The following UTRN variants were observed in gnomAD, a reference collection of about 807,000 sequenced individuals.
UTRN encodes dystrophin-related protein 1.
Under a neutral mutation model 463.9 loss-of-function variants are expected in UTRN, and 283 were observed. The ratio of observed to expected loss-of-function variants is 0.61; its 90% confidence interval spans 0.55 to 0.67. UTRN has a LOEUF of 0.67. Among genes scored for constraint, UTRN ranks in the 30% least tolerant of loss-of-function variants. The pLI is 0.00. For missense variants in UTRN, 3,922 were observed against 4,084.3 expected (o/e 0.96, Z 1.08); for synonymous variants, 1,442 against 1,431.5 (o/e 1.01, Z -0.17).
chr6:144,463,014 T>A, intron 23 of UTRN, 148 bp downstream of exon 23: 1 of 769,426 alleles, frequency 1.3e-6, no homozygotes, highest in Non-Finnish European at 2.0e-6. Context: ...ATCAAAGATG[T>A]ACTTTTAATG....
intron 58 of UTRN, among the ~76,000 whole-genome samples, chr6:144,763,082 C>T (rs1041749454): frequency 6.6e-6 from 1 of 152,020 alleles, no homozygotes; most frequent in Admixed American, 6.6e-5. Flanking sequence ...TTCATAGAAC[C>T]CTAAATACAA....
At chr6:144,367,612 C>T (rs1474453903) in intron 2 of UTRN, among the ~76,000 whole-genome samples, 2 of 152,190 alleles carry the variant, frequency 1.3e-5, no homozygotes, top group Non-Finnish European at 2.9e-5. Flanking sequence ...AGCATAGTAA[C>T]CTACTAGGTT....
At chr6:144,599,767 C>T (rs1804045471) in intron 51 of UTRN, among the ~76,000 whole-genome samples, 1 of 152,020 alleles carries the variant, frequency 6.6e-6, no homozygotes, top group Non-Finnish European at 1.5e-5. Flanking sequence ...GTCTTACTTT[C>T]ATTTCACTCT....
chr6:144,686,862 A>T (rs1782815217), intron 52 of UTRN, among the ~76,000 whole-genome samples: 1 of 152,114 alleles, frequency 6.6e-6, no homozygotes, highest in South Asian at 2.1e-4. Context: ...TAGGTGGGAA[A>T]TTTAGACCAT....
chr6:144,589,101 A>C (rs1802755330), intron 51 of UTRN, among the ~76,000 whole-genome samples: 1 of 152,236 alleles, frequency 6.6e-6, no homozygotes, highest in Non-Finnish European at 1.5e-5. Context: ...GCTTATGTGA[A>C]AGTATGGCTT....
chr6:144,406,793 T>G (rs1374971576), intron 3 of UTRN, among the ~76,000 whole-genome samples: 5 of 152,202 alleles, frequency 3.3e-5, no homozygotes, highest in African/African-American at 1.2e-4. Flanking sequence ...AATTAAAAAT[T>G]GAAATTGTAT....
At chr6:144,354,979 C>G (rs1778424714) in intron 2 of UTRN, among the ~76,000 whole-genome samples, 3 of 152,044 alleles carry the variant, frequency 2.0e-5, no homozygotes, top group Admixed American at 2.0e-4. Flanking sequence ...TGAAGAAAGT[C>G]CTGTTCTTGT....
intron 2 of UTRN, among the ~76,000 whole-genome samples, chr6:144,339,420 A>C (rs1488722868): frequency 3.9e-5 from 6 of 152,172 alleles, no homozygotes; most frequent in African/African-American, 1.4e-4. Flanking sequence ...CAGAAATTTG[A>C]AAAAGACCTA....
At chr6:144,664,555 C>T (rs1316256786) in intron 51 of UTRN, among the ~76,000 whole-genome samples, 6 of 150,434 alleles carry the variant, frequency 4.0e-5, no homozygotes, top group African/African-American at 1.5e-4. Context: ...CCACCCACCT[C>T]GAGTCTTACC....
At position 144,433,752 on chromosome 6, in the gene UTRN, G is replaced by A. The variant is rs566325405; in HGVS notation, c.856-2183G>A. On this transcript the variant is annotated intron_variant, in intron 9 of 74. Transcript: ENST00000367545. ...CCCACATCTCAGAAGATGGGCAGTC[G>A]GGCAGAGATGCTCCTCACTTCCTAG... is the stretch of plus-strand genomic sequence containing the variant. Among the ~76,000 whole-genome samples, 232 of 151,664 alleles carry A rather than the reference G, an allele frequency of 1.5e-3. 3 individuals carry two copies. Among genetic ancestry groups the A allele is most frequent in the Middle Eastern group, 6.8e-3 (2 of 292 alleles).
chr6:144,503,720 G>A (rs1794436185), intron 34 of UTRN, among the ~76,000 whole-genome samples: 1 of 152,062 alleles, frequency 6.6e-6, no homozygotes, highest in South Asian at 2.1e-4. Context: ...GATTTTCTTG[G>A]CTATATGGGC....
chr6:144,680,416 G>A (rs1006664680), intron 52 of UTRN, among the ~76,000 whole-genome samples: 2 of 152,116 alleles, frequency 1.3e-5, no homozygotes, highest in African/African-American at 4.8e-5. Context: ...ATTTTTAGAA[G>A]ATGGGAGAAT....
rs1798664702 is a variant in UTRN, at chr6:144,548,986, AC to A, written c.6810+134del. The A allele has an allele frequency of 8.1e-6, 7 of 868,238 alleles. No individual in the cohort carries two copies. In the Admixed American group the frequency reaches 1.4e-4, roughly 18 times the overall value. 53.8% of individuals were successfully genotyped at this position (868,238 alleles called of 1,614,324 possible). A position where few individuals can be genotyped will look rare whatever the true frequency, so the allele number is the denominator to read the frequency against. On this transcript the variant is annotated intron_variant, in intron 47 of 74. Coordinates refer to ENST00000367545, the MANE Select transcript of UTRN (RefSeq NM_007124.3). ...TAAAAAATTCTGTATCTGTCAAACA[AC>A]CATTCAGGGCTAACTACAAAGCATA...
In UTRN at chr6:144,751,809, T is replaced by C; in HGVS notation, c.8212T>C (p.Phe2738Leu). 2 of 1,600,958 alleles carry C rather than the reference T, an allele frequency of 1.2e-6. No homozygotes were observed. The highest frequency in any genetic ancestry group is 2.3e-5 in the South Asian group (2 of 88,426). Residue 2738 changes from phenylalanine to leucine, a missense_variant, in exon 56 of 75, where the codon TTT becomes CTT. By Grantham distance (22) the Phe-to-Leu change is conservative (BLOSUM62 0). This residue lies in a region of UTRN where 1,309 missense variants were observed against 1,452.6 expected (regional missense o/e 0.90). Coordinates refer to ENST00000367545, the MANE Select transcript of UTRN (RefSeq NM_007124.3). ...ATTTTTTGTTCTTTTCTTCTAGGCA[T>C]TTAGAGAAGAAATTGCACCAATCAA... is the stretch of plus-strand genomic sequence containing the variant. ...LQDHIEKIMA[F>L]REEIAPINFK... is the part of the protein sequence containing the mutation.
chr6:144,368,696 C>T lies in UTRN; in HGVS notation c.80-34427C>T, dbSNP rs1779721025. Among the ~76,000 whole-genome samples, 3 of 152,024 alleles carry T rather than the reference C, an allele frequency of 2.0e-5. No individual in the cohort carries two copies. In the South Asian group the frequency reaches 6.2e-4, roughly 32 times the overall value. ...GGCTGAGGCAGGAGAGTCGCTTGAA[C>T]CTGGGAGGAGGAGGTTGCAGTGAGC... On this transcript the variant is annotated intron_variant, in intron 2 of 74. Coordinates refer to ENST00000367545, the MANE Select transcript of UTRN (RefSeq NM_007124.3).
intron 52 of UTRN, among the ~76,000 whole-genome samples, chr6:144,690,259 T>A (rs1302128448): frequency 2.6e-4 from 40 of 151,028 alleles, no homozygotes; most frequent in Admixed American, 2.6e-3. Context: ...TGCTGGCTGC[T>A]GGGGTAGTGT....
intron 2 of UTRN, among the ~76,000 whole-genome samples, chr6:144,317,763 T>G (rs1302739803): frequency 2.6e-5 from 4 of 152,244 alleles, no homozygotes; most frequent in Non-Finnish European, 4.4e-5. Flanking sequence ...CTTACCTTTC[T>G]TTTTATAAAT....
chr6:144,715,846 G>T (rs1452968286), intron 53 of UTRN, among the ~76,000 whole-genome samples: 1 of 151,372 alleles, frequency 6.6e-6, no homozygotes, highest in Non-Finnish European at 1.5e-5. Flanking sequence ...ATACCCAAGG[G>T]AACATGTCCT....
chr6:144,461,915 T>C (rs1244037304), intron 22 of UTRN, among the ~76,000 whole-genome samples: 1 of 152,198 alleles, frequency 6.6e-6, no homozygotes, highest in Non-Finnish European at 1.5e-5. Flanking sequence ...TGTTTTTTGA[T>C]TTCCAACTTT....
Sources: allele counts gnomAD v4.1 joint callset (sites outside exome capture counted in the v4.1 genomes callset), GRCh38; gene constraint gnomAD v4.1.1; regional missense constraint gnomAD v4.1.1; transcripts MANE v1.5; gene names NCBI Gene and HGNC (gene_info 2026-07-23, HGNC 2026-07-21).